The following SH3BGRL2 variants were observed in gnomAD, a reference collection of about 807,000 sequenced individuals.
SH3BGRL2 encodes SH3 domain-binding glutamic acid-rich-like protein 2.
Under a neutral mutation model 14.8 loss-of-function variants are expected in SH3BGRL2, and 21 were observed. The ratio of observed to expected loss-of-function variants is 1.42; its 90% CI spans 1.01 to 2.05. The LOEUF (loss-of-function observed/expected upper bound fraction) is 2.05, where lower values mean the gene tolerates loss of function less well. Ranked by LOEUF, SH3BGRL2 falls within the 30% of genes most tolerant of loss-of-function variation. The pLI is 0.00. For synonymous variants in SH3BGRL2, 50 were observed against 47.8 expected (o/e 1.05, Z -0.19); for missense variants, 147 against 130.8 (o/e 1.12, Z -0.61).
the SH3BGRL2 span, among the ~76,000 whole-genome samples, chr6:79,569,998 A>G: frequency 6.6e-5 from 10 of 152,164 alleles, no homozygotes; most frequent in African/African-American, 2.4e-4. Flanking sequence ...GAGGGCTGAG[A>G]TTACGGATAA....
the SH3BGRL2 span, among the ~76,000 whole-genome samples, chr6:79,553,321 G>A: frequency 2.0e-5 from 3 of 152,152 alleles, no homozygotes; most frequent in African/African-American, 7.2e-5. Flanking sequence ...GCAAAGACTG[G>A]ATTCCAGTGA....
At chr6:79,690,690 T>C (rs149749739) in intron 2 of SH3BGRL2, among the ~76,000 whole-genome samples, 229 of 152,318 alleles carry the variant, frequency 1.5e-3, no homozygotes, top group South Asian at 0.013. Context: ...ACTAAACATA[T>C]ACACCACTCA....
chr6:79,689,837 A>G (rs1770173650), intron 2 of SH3BGRL2, among the ~76,000 whole-genome samples: 1 of 152,184 alleles, frequency 6.6e-6, no homozygotes, highest in African/African-American at 2.4e-5. Context: ...TACATGCACA[A>G]TATTTTTGTG....
At chr6:79,691,121 T>A (rs1770204901) in intron 2 of SH3BGRL2, among the ~76,000 whole-genome samples, 1 of 151,978 alleles carries the variant, frequency 6.6e-6, no homozygotes, top group African/African-American at 2.4e-5. Flanking sequence ...ACCATTACAC[T>A]CCAGTCTGGG....
chr6:79,670,149 T>C (rs1445397232), intron 1 of SH3BGRL2, among the ~76,000 whole-genome samples: 4 of 152,264 alleles, frequency 2.6e-5, no homozygotes, highest in Non-Finnish European at 4.4e-5. Context: ...ATATTTCATA[T>C]AACTTTTACA....
At chr6:79,604,342 A>G in the SH3BGRL2 span, among the ~76,000 whole-genome samples, 1 of 152,162 alleles carries the variant, frequency 6.6e-6, no homozygotes, top group African/African-American at 2.4e-5. Flanking sequence ...CTCACCTCCA[A>G]ACACTTTTGC....
At chr6:79,549,020 A>G in the SH3BGRL2 span, among the ~76,000 whole-genome samples, 1 of 152,254 alleles carries the variant, frequency 6.6e-6, no homozygotes, top group African/African-American at 2.4e-5. Flanking sequence ...CAATGGCCAT[A>G]TAGAGGAAAT....
At chr6:79,692,486 C>T (rs1283040239) in intron 2 of SH3BGRL2, among the ~76,000 whole-genome samples, 5 of 152,032 alleles carry the variant, frequency 3.3e-5, no homozygotes, top group African/African-American at 4.8e-5. Flanking sequence ...TTTTATGGTT[C>T]TAGGTCTAAC....
At chr6:79,570,315 C>A in the SH3BGRL2 span, among the ~76,000 whole-genome samples, 1 of 152,256 alleles carries the variant, frequency 6.6e-6, no homozygotes, top group South Asian at 2.1e-4. Flanking sequence ...GATGGTTGCA[C>A]GGTGACTAAG....
chr6:79,670,961 G>C (rs1463605771), intron 1 of SH3BGRL2, among the ~76,000 whole-genome samples: 1 of 151,182 alleles, frequency 6.6e-6, no homozygotes, highest in Non-Finnish European at 1.5e-5. Flanking sequence ...TCATTGGTCA[G>C]AACTGTGTCA....
chr6:79,623,043 C>T, the SH3BGRL2 span, among the ~76,000 whole-genome samples: 3 of 152,240 alleles, frequency 2.0e-5, no homozygotes, highest in Admixed American at 6.5e-5. Flanking sequence ...TGGTAGCTCA[C>T]GCCTGTAATC....
At chr6:79,600,665 C>T in the SH3BGRL2 span, among the ~76,000 whole-genome samples, 1 of 152,166 alleles carries the variant, frequency 6.6e-6, no homozygotes, top group Non-Finnish European at 1.5e-5. Context: ...AGGCCCCCAC[C>T]AGCTCACCCG....
At chr6:79,610,523 T>C in the SH3BGRL2 span, among the ~76,000 whole-genome samples, 1 of 152,214 alleles carries the variant, frequency 6.6e-6, no homozygotes, top group East Asian at 1.9e-4. Flanking sequence ...ATGATGAATA[T>C]GGTCCTTTGT....
chr6:79,619,234 T>A, the SH3BGRL2 span, among the ~76,000 whole-genome samples: 4,780 of 152,234 alleles, frequency 0.031, 99 homozygotes, highest in Non-Finnish European at 0.046. Context: ...TTTTGTCTCT[T>A]TTTGTTTGAT....
intron 2 of SH3BGRL2, among the ~76,000 whole-genome samples, chr6:79,677,778 C>T (rs1312887525): frequency 6.6e-6 from 1 of 152,176 alleles, no homozygotes; most frequent in Non-Finnish European, 1.5e-5. Context: ...CAAACTGGCA[C>T]AACTTATTCT....
At chr6:79,571,815 A>G in the SH3BGRL2 span, among the ~76,000 whole-genome samples, 6 of 152,222 alleles carry the variant, frequency 3.9e-5, no homozygotes, top group African/African-American at 1.2e-4. Flanking sequence ...TTGGTTACAT[A>G]CTATATGTGT....
chr6:79,700,098 A>C lies in SH3BGRL2; in HGVS notation c.*589A>C, dbSNP rs1369842303. The C allele has an allele frequency of 6.6e-6, 1 of 152,260 alleles. No homozygotes were observed. Among genetic ancestry groups the C allele is most frequent in the Non-Finnish European group, 1.5e-5 (1 of 68,080 alleles). 9.4% of individuals were successfully genotyped at this position (152,260 alleles called of 1,614,324 possible). A position where few individuals can be genotyped will look rare whatever the true frequency, so the allele number is the denominator to read the frequency against. ...TTTAGTAATGGAAACTCTTACCTCC[A>C]CATATTATCCTACAGATGTTTCCAG... On this transcript the variant is annotated 3_prime_UTR_variant, in exon 4 of 4. Coordinates refer to ENST00000369838, the MANE Select transcript of SH3BGRL2 (RefSeq NM_031469.4).
At chr6:79,695,170 C>T (rs748952101) in intron 2 of SH3BGRL2, among the ~76,000 whole-genome samples, 1 of 152,154 alleles carries the variant, frequency 6.6e-6, no homozygotes. Flanking sequence ...CAGATGTAAG[C>T]TTAAATGCCA....
At chr6:79,636,091 C>T (rs1768916521) in intron 1 of SH3BGRL2, among the ~76,000 whole-genome samples, 1 of 152,160 alleles carries the variant, frequency 6.6e-6, no homozygotes, top group South Asian at 2.1e-4. Flanking sequence ...ACTTTAGGAT[C>T]TTTAATTCAT....
Sources: allele counts gnomAD v4.1 joint callset (sites outside exome capture counted in the v4.1 genomes callset), GRCh38; gene constraint gnomAD v4.1.1; transcripts MANE v1.5; gene names NCBI Gene and HGNC (gene_info 2026-07-23, HGNC 2026-07-21).